The following CSMD1 variants were observed in gnomAD, a reference collection of about 807,000 sequenced individuals.
CSMD1 encodes CUB and sushi domain-containing protein 1.
A neutral mutation model predicts 417.5 loss-of-function variants in CSMD1; 213 were observed. That is an observed-to-expected ratio of 0.51 (90% confidence interval 0.46 to 0.57). The LOEUF (loss-of-function observed/expected upper bound fraction) is 0.57. Among genes scored for constraint, CSMD1 ranks in the 20% least tolerant of loss-of-function variants. The probability of loss-of-function intolerance (pLI) is 0.00; values close to 1 mark genes in which losing one functional copy is unlikely to be tolerated. For synonymous variants in CSMD1, 2,862 were observed against 1,736.8 expected (o/e 1.65, Z -16.11); for missense variants, 6,923 against 4,529.7 (o/e 1.53, Z -15.17).
At chr8:4,674,005 G>T (rs1167044069) in intron 1 of CSMD1, among the ~76,000 whole-genome samples, 1 of 152,094 alleles carries the variant, frequency 6.6e-6, no homozygotes, top group African/African-American at 2.4e-5. Context: ...ACTATACAGA[G>T]GCAAATCTTA....
At chr8:4,365,163 G>T (rs1484822496) in intron 3 of CSMD1, among the ~76,000 whole-genome samples, 1 of 152,072 alleles carries the variant, frequency 6.6e-6, no homozygotes, top group Admixed American at 6.6e-5. Flanking sequence ...TTTTTATTTT[G>T]AATTTGGTAG....
intron 1 of CSMD1, among the ~76,000 whole-genome samples, chr8:4,938,447 T>G (rs1807766819): frequency 6.6e-6 from 1 of 152,176 alleles, no homozygotes; most frequent in South Asian, 2.1e-4. Flanking sequence ...TCACTTGTTC[T>G]CTAGTAAAAA....
intron 5 of CSMD1, among the ~76,000 whole-genome samples, chr8:3,793,766 C>G (rs375585180): frequency 1.3e-5 from 2 of 152,276 alleles, no homozygotes; most frequent in African/African-American, 4.8e-5. Context: ...CTGGTAGGAA[C>G]TTGACGACAG....
At chr8:3,547,750 C>G (rs540379449) in intron 10 of CSMD1, among the ~76,000 whole-genome samples, 5 of 152,194 alleles carry the variant, frequency 3.3e-5, no homozygotes, top group African/African-American at 9.6e-5. Context: ...AGCTAGTTAT[C>G]TAATAGAAAT....
chr8:3,008,344 C>G (rs1808118270), intron 52 of CSMD1, among the ~76,000 whole-genome samples: 1 of 152,220 alleles, frequency 6.6e-6, no homozygotes, highest in South Asian at 2.1e-4. Flanking sequence ...AAACCACTCA[C>G]TCCATTATCA....
In CSMD1 at chr8:4,719,077, T is replaced by C. The variant is rs1049154329; in HGVS notation, c.86-81519A>G. On this transcript the variant is annotated intron_variant, in intron 1 of 69. Coordinates refer to ENST00000635120, the MANE Select transcript of CSMD1 (RefSeq NM_033225.6). ...AAAAAAAAGAGAGAGAGCTAGAATT[T>C]TGTTTTAATGTGGTTGGTTTCTGCA... is the stretch of plus-strand genomic sequence containing the variant. Among the ~76,000 whole-genome samples, 4 of 152,186 alleles carry C rather than the reference T, an allele frequency of 2.6e-5. No homozygotes were observed. The East Asian group carries it at 7.7e-4, about 29-fold the overall frequency.
chr8:3,526,099 AG>A (rs1797742898), intron 10 of CSMD1, among the ~76,000 whole-genome samples: 1 of 152,162 alleles, frequency 6.6e-6, no homozygotes, highest in East Asian at 1.9e-4. Flanking sequence ...TTGTCAATTC[AG>A]CTTTAAAAAC....
chr8:4,445,460 T>G (rs994668839), intron 2 of CSMD1, among the ~76,000 whole-genome samples: 3 of 152,204 alleles, frequency 2.0e-5, no homozygotes, highest in African/African-American at 4.8e-5. Flanking sequence ...TACCCTCCAG[T>G]GAGTCACTTA....
At chr8:4,445,887 G>T (rs1194364807) in intron 2 of CSMD1, among the ~76,000 whole-genome samples, 2 of 152,052 alleles carry the variant, frequency 1.3e-5, no homozygotes, top group Non-Finnish European at 2.9e-5. Flanking sequence ...GGCACAAGAG[G>T]AGAGAGCACG....
intron 50 of CSMD1, among the ~76,000 whole-genome samples, chr8:3,044,226 G>C (rs1811291682): frequency 1.3e-5 from 2 of 152,182 alleles, no homozygotes; most frequent in South Asian, 4.1e-4. Context: ...ATGTGAAGCT[G>C]ACACTACTGA....
chr8:4,661,753 T>C (rs556477312), intron 1 of CSMD1, among the ~76,000 whole-genome samples: 18 of 152,308 alleles, frequency 1.2e-4, no homozygotes, highest in African/African-American at 4.1e-4. Flanking sequence ...CTAAGATCAA[T>C]GTTTTTATAA....
chr8:4,041,401 C>G (rs1411576134), intron 3 of CSMD1, among the ~76,000 whole-genome samples: 1 of 152,150 alleles, frequency 6.6e-6, no homozygotes, highest in African/African-American at 2.4e-5. Flanking sequence ...AAATGCAAAT[C>G]AAGCTTACTA....
chr8:3,514,280 C>T (rs990942629), intron 10 of CSMD1, among the ~76,000 whole-genome samples: 11 of 152,146 alleles, frequency 7.2e-5, no homozygotes, highest in African/African-American at 2.7e-4. Flanking sequence ...AATGGTGCAA[C>T]ATAGAGACGT....
chr8:3,369,766 GA>G (rs1199038069), intron 18 of CSMD1, among the ~76,000 whole-genome samples: 2 of 151,926 alleles, frequency 1.3e-5, no homozygotes, highest in African/African-American at 2.4e-5. Flanking sequence ...ACTCATTTTG[GA>G]AAAAAAGAAG....
chr8:3,792,169 G>A (rs113869368), intron 5 of CSMD1, among the ~76,000 whole-genome samples: 13 of 151,982 alleles, frequency 8.6e-5, no homozygotes, highest in Non-Finnish European at 1.6e-4. Context: ...TGGTGCACAC[G>A]TGTAGTCCCA....
At position 4,079,313 on chromosome 8, in the gene CSMD1, T is replaced by A. The variant is rs1800001012; in HGVS notation, c.416-47214A>T. 1.3e-5 allele frequency among the ~76,000 whole-genome samples: 2 copies of A among 152,308 alleles called. 1 individual carries two copies. Among genetic ancestry groups the A allele is most frequent in the African/African-American group, 4.8e-5 (2 of 41,574 alleles). Reference sequence around the variant, plus strand: ...CATGAGCAGATAAACAAATTGTGACTAGGCAATGTCTGCATCCCTTGGAAC... The same window carrying A: ...CATGAGCAGATAAACAAATTGTGACAAGGCAATGTCTGCATCCCTTGGAAC... On this transcript the variant is annotated intron_variant, in intron 3 of 69. Coordinates refer to ENST00000635120, the MANE Select transcript of CSMD1 (RefSeq NM_033225.6).
chr8:4,030,486 C>T (rs1797286414), intron 4 of CSMD1, among the ~76,000 whole-genome samples: 1 of 152,208 alleles, frequency 6.6e-6, no homozygotes, highest in Non-Finnish European at 1.5e-5. Flanking sequence ...CTTTCAGCCA[C>T]AGTTGGAGCA....
At chr8:3,808,019 T>G (rs1341645418) in intron 5 of CSMD1, among the ~76,000 whole-genome samples, 1 of 152,212 alleles carries the variant, frequency 6.6e-6, no homozygotes, top group Admixed American at 6.5e-5. Context: ...GTCTCATTCT[T>G]GAGCTCTATT....
At chr8:3,299,353 C>T (rs1584953905) in intron 25 of CSMD1, among the ~76,000 whole-genome samples, 1 of 152,008 alleles carries the variant, frequency 6.6e-6, no homozygotes, top group Non-Finnish European at 1.5e-5. Context: ...TCAGGAGGCT[C>T]AGGCAGGAGC....
Sources: gnomAD v4.1 joint callset for allele counts (sites outside exome capture counted in the v4.1 genomes callset) on GRCh38, gnomAD v4.1.1 for gene constraint, MANE v1.5 for transcripts, NCBI Gene and HGNC (gene_info 2026-07-23, HGNC 2026-07-21) for gene names.